Variants in TF observed in about 807,000 individuals in gnomAD.
TF encodes transferrin.
A neutral mutation model predicts 82.4 loss-of-function variants in TF; 55 were observed. That is an observed-to-expected ratio of 0.67 (90% CI 0.54 to 0.84). The LOEUF (loss-of-function observed/expected upper bound fraction) is 0.84, where lower values mean the gene tolerates loss of function less well. TF is among the 40% of genes least tolerant of loss of function. TF has a pLI of 0.00. For missense variants in TF, 737 were observed against 868.4 expected (o/e 0.85, Z 1.90); for synonymous variants, 332 against 332.6 (o/e 1.00, Z 0.02).
At chr3:133,712,240 G>A in the TF span, among the ~76,000 whole-genome samples, 1 of 152,310 alleles carries the variant, frequency 6.6e-6, no homozygotes, top group African/African-American at 2.4e-5. Flanking sequence ...CCAGCACAGG[G>A]CTTGGCAGCT....
chr3:133,729,431 T>C, the TF span, among the ~76,000 whole-genome samples: 153 of 152,308 alleles, frequency 1.0e-3, 1 homozygote, highest in African/African-American at 3.5e-3. Context: ...TAGCAATCAG[T>C]GAGACTCCGT....
the TF span, among the ~76,000 whole-genome samples, chr3:133,727,964 A>G: frequency 1.3e-5 from 2 of 152,056 alleles, no homozygotes; most frequent in African/African-American, 4.8e-5. Context: ...CTTTTCTTTA[A>G]GAATGTTGAA....
chr3:133,690,875 C>G, the TF span, among the ~76,000 whole-genome samples: 1 of 152,216 alleles, frequency 6.6e-6, no homozygotes, highest in East Asian at 1.9e-4. Context: ...ATGGTGTTCA[C>G]AAGGCCCAGC....
the TF span, among the ~76,000 whole-genome samples, chr3:133,704,844 G>A: frequency 6.6e-6 from 1 of 151,190 alleles, no homozygotes; most frequent in Non-Finnish European, 1.5e-5. Context: ...ATGGAAAAAT[G>A]AAGCTGGTGT....
the TF span, among the ~76,000 whole-genome samples, chr3:133,674,377 C>G: frequency 6.6e-6 from 1 of 152,152 alleles, no homozygotes; most frequent in Non-Finnish European, 1.5e-5. Flanking sequence ...CCTTGCAGAC[C>G]CCGGGGCTGG....
chr3:133,664,568 ACT>A, the TF span, among the ~76,000 whole-genome samples: 1 of 151,900 alleles, frequency 6.6e-6, no homozygotes, highest in African/African-American at 2.4e-5. Context: ...GATCCACCTG[ACT>A]CAGCCTCCCA....
chr3:133,696,030 T>C, the TF span, among the ~76,000 whole-genome samples: 1 of 152,224 alleles, frequency 6.6e-6, no homozygotes, highest in African/African-American at 2.4e-5. Flanking sequence ...CCCGTTTATG[T>C]AGCAGTGCCT....
At chr3:133,691,192 G>A in the TF span, among the ~76,000 whole-genome samples, 1 of 152,294 alleles carries the variant, frequency 6.6e-6, no homozygotes, top group African/African-American at 2.4e-5. Context: ...CAACCTCATT[G>A]TGGAGAAGAG....
chr3:133,683,184 A>G, the TF span, among the ~76,000 whole-genome samples: 1 of 152,248 alleles, frequency 6.6e-6, no homozygotes, highest in South Asian at 2.1e-4. Context: ...GGCCTGCCTT[A>G]CAAGAGCTCC....
chr3:133,677,594 C>T, the TF span, among the ~76,000 whole-genome samples: 2 of 152,058 alleles, frequency 1.3e-5, no homozygotes, highest in Admixed American at 1.3e-4. Flanking sequence ...GTCAAGATTG[C>T]GCCACTGCAC....
chr3:133,712,018 A>G, the TF span, among the ~76,000 whole-genome samples: 1 of 151,706 alleles, frequency 6.6e-6, no homozygotes, highest in Admixed American at 6.6e-5. Context: ...CTCACTCTTC[A>G]TGTCTCGGCT....
chr3:133,681,823 A>G, the TF span, among the ~76,000 whole-genome samples: 2 of 152,146 alleles, frequency 1.3e-5, no homozygotes, highest in Non-Finnish European at 2.9e-5. Flanking sequence ...AGACTTAAAC[A>G]TCCCTGTCTG....
the TF span, among the ~76,000 whole-genome samples, chr3:133,668,568 G>C: frequency 2.4e-4 from 37 of 152,204 alleles, 1 homozygote; most frequent in African/African-American, 6.0e-4. Context: ...CCATTCCCCA[G>C]TGTGTAGCAG....
chr3:133,683,007 G>T, the TF span, among the ~76,000 whole-genome samples: 1 of 152,028 alleles, frequency 6.6e-6, no homozygotes, highest in Non-Finnish European at 1.5e-5. Context: ...CTGATCTCGC[G>T]GCAGAAACTC....
At chr3:133,764,405 G>A in intron 10 of TF, 130 bp downstream of exon 10, 1 of 766,756 alleles carries the variant, frequency 1.3e-6, no homozygotes, top group Non-Finnish European at 2.3e-6. Flanking sequence ...CTCCTACTTT[G>A]CAAGCTCTGG....
At chr3:133,667,320 G>T in the TF span, among the ~76,000 whole-genome samples, 1 of 143,970 alleles carries the variant, frequency 6.9e-6, no homozygotes, top group Non-Finnish European at 1.5e-5. Flanking sequence ...TCTCACTATT[G>T]CACTCTAGCC....
At chr3:133,688,557 A>G in the TF span, among the ~76,000 whole-genome samples, 1 of 151,208 alleles carries the variant, frequency 6.6e-6, no homozygotes, top group Non-Finnish European at 1.5e-5. Context: ...ACATTCATTG[A>G]TAGCAAAAAT....
the TF span, among the ~76,000 whole-genome samples, chr3:133,668,231 T>A: frequency 6.6e-5 from 10 of 152,186 alleles, no homozygotes; most frequent in African/African-American, 2.4e-4. Context: ...GTATTCAGAC[T>A]TTGATTTAAT....
chr3:133,728,950 C>T, the TF span, among the ~76,000 whole-genome samples: 16 of 152,202 alleles, frequency 1.1e-4, no homozygotes, highest in Admixed American at 3.3e-4. Flanking sequence ...GTATCAGCAG[C>T]GGTGGCTGCA....
Sources: allele counts gnomAD v4.1 joint callset (sites outside exome capture counted in the v4.1 genomes callset), GRCh38; gene constraint gnomAD v4.1.1; transcripts MANE v1.5; gene names NCBI Gene and HGNC (gene_info 2026-07-23, HGNC 2026-07-21).